The following NF1 variants were observed in gnomAD, a reference collection of about 807,000 sequenced individuals.
NF1 encodes neurofibromin 1.
Under a neutral mutation model 325.7 loss-of-function variants are expected in NF1, and 122 were observed. That is an observed-to-expected ratio of 0.37 (90% confidence interval 0.32 to 0.44). The LOEUF (loss-of-function observed/expected upper bound fraction) is 0.44. NF1 is among the 20% of genes least tolerant of loss of function. NF1 has a pLI of 1.00. For missense variants in NF1, 2,140 were observed against 3,415.4 expected (o/e 0.63, Z 9.31); for synonymous variants, 1,091 against 1,186.0 (o/e 0.92, Z 1.65).
chr17:31,193,971 C>T (rs1448974702), intron 8 of NF1, among the ~76,000 whole-genome samples: 1 of 152,094 alleles, frequency 6.6e-6, no homozygotes, highest in Non-Finnish European at 1.5e-5. Context: ...CTATGGAGAA[C>T]AGTGTGAAGG....
intron 36 of NF1, among the ~76,000 whole-genome samples, chr17:31,302,703 G>A (rs747013648): frequency 1.3e-5 from 2 of 151,990 alleles, no homozygotes; most frequent in Non-Finnish European, 2.9e-5. Flanking sequence ...AAATTAGCCA[G>A]GCGTGGTGGT....
intron 36 of NF1, among the ~76,000 whole-genome samples, chr17:31,276,868 T>C (rs935783044): frequency 1.8e-4 from 28 of 152,286 alleles, no homozygotes; most frequent in African/African-American, 6.7e-4. Context: ...ACACTGGGGT[T>C]AGGGGCACTG....
At chr17:31,200,990 C>T (rs2143877807) in intron 9 of NF1, 47 bp from the exon 10 acceptor site, 1 of 1,610,974 alleles carries the variant, frequency 6.2e-7, no homozygotes. Flanking sequence ...TAAAGAAATA[C>T]TGCATGGGTA....
intron 36 of NF1, among the ~76,000 whole-genome samples, chr17:31,270,261 T>G (rs1024193388): frequency 6.6e-6 from 1 of 152,254 alleles, no homozygotes; most frequent in Non-Finnish European, 1.5e-5. Context: ...TATCTCTATG[T>G]TGTTTGGCTT....
chr17:31,367,113 C>A, intron 57 of NF1: 1 of 444,852 alleles, frequency 2.2e-6, no homozygotes, highest in Non-Finnish European at 3.6e-6. Context: ...AACCAGATTC[C>A]TTCTGAAAAC....
At chr17:31,295,661 T>G in intron 36 of NF1, 1 of 1,614,144 alleles carries the variant, frequency 6.2e-7, no homozygotes, top group Non-Finnish European at 8.5e-7. Context: ...CCACCTGTTA[T>G]TGTAAAGGGT....
intron 13 of NF1, 70 bp downstream of exon 13, chr17:31,214,655 G>T (rs2143961809): frequency 1.4e-6 from 2 of 1,479,652 alleles, no homozygotes; most frequent in South Asian, 2.3e-5. Context: ...GAAACGCCAA[G>T]ACCTTGAGGA....
chr17:31,305,063 CT>C, intron 36 of NF1: 1 of 1,614,052 alleles, frequency 6.2e-7, no homozygotes, highest in Middle Eastern at 1.6e-4. Flanking sequence ...AAGATAAATC[CT>C]GGTGTACTCC....
intron 2 of NF1, among the ~76,000 whole-genome samples, chr17:31,158,096 A>AC (rs1291309298): frequency 6.6e-6 from 1 of 152,078 alleles, no homozygotes; most frequent in East Asian, 1.9e-4. Flanking sequence ...GATTCTCCCT[A>AC]CCCGACCCTT....
Position 31,315,917 on chromosome 17 carries a change from A to G in NF1, c.4836-9903A>G, listed in dbSNP as rs565999649. Among the ~76,000 whole-genome samples, 91 of 152,134 alleles carry G rather than the reference A, an allele frequency of 6.0e-4. 1 individual carries two copies. The highest frequency in any genetic ancestry group is 2.1e-3 in the African/African-American group (86 of 41,510). Reference sequence around the variant, plus strand: ...TCAAATGCTATAAAGCTTTTGATTCACTGGTTTTTGGAAGTATTGTTGTTT... The same window carrying G: ...TCAAATGCTATAAAGCTTTTGATTCGCTGGTTTTTGGAAGTATTGTTGTTT... On this transcript the variant is annotated intron_variant, in intron 36 of 57. Transcript: ENST00000358273.
intron 17 of NF1, 113 bp downstream of exon 17, chr17:31,225,363 G>C: frequency 8.4e-7 from 1 of 1,193,480 alleles, no homozygotes; most frequent in South Asian, 1.2e-5. Flanking sequence ...AAACTGCTTA[G>C]AATCTAGTTC....
At position 31,335,290 on chromosome 17, in the gene NF1, A is replaced by ATATATATATATATATATATATG. The variant is rs371429803; in HGVS notation, c.6006+265_6006+266insTATATATATATATATGTATATA. ...AAGGCATAATTATATATATATATAT[A>ATATATATATATATATATATATG]TATATAATTATGCCTTGAAGGAGAC... is the stretch of plus-strand genomic sequence containing the variant. On this transcript the variant is annotated intron_variant, in intron 40 of 57. Transcript: ENST00000358273. Among the ~76,000 whole-genome samples, 41 of 71,638 alleles carry ATATATATATATATATATATATG rather than the reference A, an allele frequency of 5.7e-4. 6 individuals are homozygous for ATATATATATATATATATATATG. The highest frequency in any genetic ancestry group is 1.0e-3 in the South Asian group (2 of 1,938). The allele number at this position is 71,638 out of a possible 152,430, so 47.0% of individuals were successfully genotyped here.
intron 1 of NF1, among the ~76,000 whole-genome samples, chr17:31,135,161 A>G (rs1318421258): frequency 1.3e-5 from 2 of 152,230 alleles, no homozygotes; most frequent in Admixed American, 6.5e-5. Flanking sequence ...CTACTGAGAA[A>G]GGTAAGTTAG....
chr17:31,133,612 G>A (rs1915551749), intron 1 of NF1: 1 of 151,968 alleles, frequency 6.6e-6, no homozygotes, highest in Non-Finnish European at 1.5e-5. Flanking sequence ...AGTGCACAAG[G>A]GTTCCAATTT....
intron 29 of NF1, 109 bp downstream of exon 29, chr17:31,236,130 A>T: frequency 3.9e-6 from 3 of 774,568 alleles, no homozygotes; most frequent in Non-Finnish European, 6.5e-6. Context: ...GATCATTAAA[A>T]TTAGTTTTTA....
At chr17:31,246,596 G>T (rs1318090449) in intron 29 of NF1, among the ~76,000 whole-genome samples, 3 of 152,154 alleles carry the variant, frequency 2.0e-5, no homozygotes, top group Non-Finnish European at 4.4e-5. Flanking sequence ...TAGTAAGAGG[G>T]ATAAAACACA....
intron 36 of NF1, among the ~76,000 whole-genome samples, chr17:31,276,124 G>A (rs1180398608): frequency 7.0e-6 from 1 of 142,168 alleles, no homozygotes; most frequent in Admixed American, 7.7e-5. Flanking sequence ...CAGGAGCATC[G>A]CTTGAATCCA....
chr17:31,258,279 T>C (rs2151461504), intron 31 of NF1, 65 bp from the exon 32 acceptor site: 1 of 1,578,848 alleles, frequency 6.3e-7, no homozygotes, highest in Non-Finnish European at 8.7e-7. Flanking sequence ...ACCTTTGAAC[T>C]CTTTGTTTTC....
At chr17:31,351,294 A>C (rs1405406405) in intron 50 of NF1, among the ~76,000 whole-genome samples, 2 of 152,222 alleles carry the variant, frequency 1.3e-5, no homozygotes, top group Non-Finnish European at 2.9e-5. Flanking sequence ...TTTATACTTG[A>C]AAATAGCTAC....
Sources: allele counts gnomAD v4.1 joint callset (sites outside exome capture counted in the v4.1 genomes callset), GRCh38; gene constraint gnomAD v4.1.1; transcripts MANE v1.5; gene names NCBI Gene and HGNC (gene_info 2026-07-23, HGNC 2026-07-21).